The following MAST2 variants were observed in gnomAD, a reference collection of about 807,000 sequenced individuals.
MAST2 encodes the protein microtubule associated serine/threonine kinase 2, also known as microtubule-associated serine/threonine-protein kinase 2.
A neutral mutation model predicts 147.4 loss-of-function variants in MAST2; 70 were observed. That is an observed-to-expected ratio of 0.47 (90% CI 0.39 to 0.58). The LOEUF is 0.58. Ranked by LOEUF, MAST2 falls within the 20% of genes least tolerant of loss-of-function variation. The probability of loss-of-function intolerance (pLI) is 0.00; values close to 1 mark genes in which losing one functional copy is unlikely to be tolerated. For synonymous variants in MAST2, 869 were observed against 896.8 expected (o/e 0.97, Z 0.55); for missense variants, 2,080 against 2,302.3 (o/e 0.90, Z 1.98).
chr1:46,030,495 G>C, intron 21 of MAST2, 112 bp from the exon 22 acceptor site: 1 of 1,276,582 alleles, frequency 7.8e-7, no homozygotes, highest in Non-Finnish European at 1.1e-6. Context: ...TGTGAAGGAG[G>C]GATGGAACCG....
chr1:45,929,481 C>A (rs1654934856), intron 4 of MAST2, among the ~76,000 whole-genome samples: 1 of 152,110 alleles, frequency 6.6e-6, no homozygotes, highest in Non-Finnish European at 1.5e-5. Flanking sequence ...TCTTCTGGCC[C>A]ACGTAGAAAG....
chr1:45,805,793 C>T (rs963307029), intron 1 of MAST2, among the ~76,000 whole-genome samples: 22 of 152,174 alleles, frequency 1.4e-4, no homozygotes, highest in Admixed American at 1.2e-3. Flanking sequence ...ACCCTTGTTA[C>T]TCTCTTTGTT....
intron 7 of MAST2, 26 bp downstream of exon 7, chr1:46,002,909 C>T (rs750210861): frequency 6.2e-7 from 1 of 1,603,206 alleles, no homozygotes; most frequent in South Asian, 1.1e-5. Flanking sequence ...TGTGGCCATA[C>T]TTCCTTCACC....
intron 2 of MAST2, among the ~76,000 whole-genome samples, chr1:45,824,957 G>T (rs1439210941): frequency 6.6e-6 from 1 of 152,148 alleles, no homozygotes; most frequent in Non-Finnish European, 1.5e-5. Flanking sequence ...AAATTCAGGG[G>T]GAAAAAATTA....
intron 3 of MAST2, among the ~76,000 whole-genome samples, chr1:45,844,692 G>T (rs774658504): frequency 6.6e-5 from 10 of 152,056 alleles, no homozygotes; most frequent in Non-Finnish European, 1.3e-4. Context: ...AAACTATCGG[G>T]ATTACAGTTG....
Position 45,939,997 on chromosome 1 carries a change from T to TTTTGTTTTTTTTGTTTTTTTG in MAST2, c.501-19386_501-19385insGTTTTTTTTGTTTTTTTGTTT, listed in dbSNP as rs1426939056. Among the ~76,000 whole-genome samples the TTTTGTTTTTTTTGTTTTTTTG allele has an allele frequency of 4.9e-5, 7 of 144,316 alleles. No individual in the cohort carries two copies. The East Asian group carries it at 1.4e-3, about 30-fold the overall frequency. 94.7% of individuals were successfully genotyped at this position (144,316 alleles called of 152,430 possible). On this transcript the variant is annotated intron_variant, in intron 4 of 28. Coordinates refer to ENST00000361297, the MANE Select transcript of MAST2 (RefSeq NM_015112.3). Reference sequence around the variant, plus strand: ...TATTTAGGGTTTTTTTTTTTTTTTTTTTTTGAGATGGAGTTTCGCTCTTTT... The same window carrying TTTTGTTTTTTTTGTTTTTTTG: ...TATTTAGGGTTTTTTTTTTTTTTTTTTTTGTTTTTTTTGTTTTTTTGTTTTGAGATGGAGTTTCGCTCTTTT...
At chr1:45,949,864 T>A (rs771793347) in intron 4 of MAST2, among the ~76,000 whole-genome samples, 2 of 152,192 alleles carry the variant, frequency 1.3e-5, no homozygotes, top group Non-Finnish European at 2.9e-5. Context: ...GTGGTACATA[T>A]ATACCATGGA....
chr1:45,871,039 T>A (rs373517252), intron 3 of MAST2, among the ~76,000 whole-genome samples: 19 of 151,868 alleles, frequency 1.3e-4, no homozygotes, highest in African/African-American at 4.3e-4. Flanking sequence ...TCAGTTTGCT[T>A]TTGGTATATC....
chr1:45,899,327 T>A (rs972991552), intron 4 of MAST2, among the ~76,000 whole-genome samples: 1 of 148,528 alleles, frequency 6.7e-6, no homozygotes, highest in Non-Finnish European at 1.5e-5. Flanking sequence ...TTTTTTTTTT[T>A]AGATTCAGGG....
chr1:45,994,304 A>C (rs542524089), intron 5 of MAST2, among the ~76,000 whole-genome samples: 1 of 38,544 alleles, frequency 2.6e-5, no homozygotes, highest in South Asian at 8.7e-4. Context: ...TTTTTTGAGA[A>C]GGAGTTTCAC....
At chr1:45,858,231 A>AGT (rs1232921740) in intron 3 of MAST2, among the ~76,000 whole-genome samples, 2 of 152,170 alleles carry the variant, frequency 1.3e-5, no homozygotes, top group Non-Finnish European at 2.9e-5. Context: ...TCCCACCAAC[A>AGT]GTGTAAAAGT....
chr1:45,817,843 T>C (rs1644503122), intron 1 of MAST2, among the ~76,000 whole-genome samples: 1 of 152,214 alleles, frequency 6.6e-6, no homozygotes, highest in Non-Finnish European at 1.5e-5. Context: ...TCATTATAAC[T>C]AGGCTCAAAC....
chr1:46,035,159 C>T lies in MAST2; in HGVS notation c.4490C>T (p.Ala1497Val). 2 of 1,613,916 alleles carry T rather than the reference C, an allele frequency of 1.2e-6. No homozygotes were observed. The highest frequency in any genetic ancestry group is 1.7e-6 in the Non-Finnish European group (2 of 1,180,030). Reference protein sequence around the residue: ...ERRESLQKQEAIREVDSSEDD... With the variant: ...ERRESLQKQEVIREVDSSEDD... Reference sequence around the variant, plus strand: ...CGGGAGTCGCTGCAGAAGCAAGAAGCCATTCGTGAGGTGGACTCCTCAGAG... The same window carrying T: ...CGGGAGTCGCTGCAGAAGCAAGAAGTCATTCGTGAGGTGGACTCCTCAGAG... Residue 1497 changes from alanine (A) to valine (V), a missense_variant, in exon 29 of 29, where the codon GCC becomes GTC. Physicochemically the swap from Ala to Val is moderately conservative, Grantham distance 64. Coordinates refer to ENST00000361297, the MANE Select transcript of MAST2 (RefSeq NM_015112.3). The surrounding 1 kb of genome is among the most constrained non-coding windows in gnomAD (Gnocchi z 5.5).
intron 25 of MAST2, 21 bp downstream of exon 25, chr1:46,032,425 C>G: frequency 6.2e-7 from 1 of 1,611,216 alleles, no homozygotes; most frequent in Non-Finnish European, 8.5e-7. Context: ...CCATCCAGAC[C>G]TGCTGTCTCC....
chr1:45,865,186 C>G (rs563384842), intron 3 of MAST2: 97 of 453,682 alleles, frequency 2.1e-4, no homozygotes, highest in African/African-American at 1.8e-3. Context: ...CTTTTAATGT[C>G]TCTTGTAAAT....
At chr1:46,027,921 G>A (rs941582781) in intron 17 of MAST2, 58 bp downstream of exon 17, 2 of 1,597,532 alleles carry the variant, frequency 1.3e-6, no homozygotes, top group Non-Finnish European at 1.7e-6. Flanking sequence ...TCCTGGCGCA[G>A]TGTCTTACGC....
chr1:45,935,149 T>C (rs938599120), intron 4 of MAST2, among the ~76,000 whole-genome samples: 2 of 152,212 alleles, frequency 1.3e-5, no homozygotes, highest in Non-Finnish European at 2.9e-5. Context: ...TCTCAGATGA[T>C]TAGCGATGTG....
intron 3 of MAST2, chr1:45,847,413 T>G (rs952845582): frequency 2.9e-5 from 16 of 546,560 alleles, no homozygotes; most frequent in Admixed American, 2.1e-4. Context: ...TATCTTTTTT[T>G]GGGGGGGATC....
At chr1:45,840,962 T>C (rs1645255272) in intron 3 of MAST2, among the ~76,000 whole-genome samples, 1 of 152,130 alleles carries the variant, frequency 6.6e-6, no homozygotes, top group Non-Finnish European at 1.5e-5. Context: ...TTAATCTCTA[T>C]TTTTTTGAGA....
Sources: gnomAD v4.1 joint callset for allele counts (sites outside exome capture counted in the v4.1 genomes callset) on GRCh38, gnomAD v4.1.1 for gene constraint, Gnocchi (gnomAD v3.1) non-coding constraint, MANE v1.5 for transcripts, NCBI Gene and HGNC (gene_info 2026-07-23, HGNC 2026-07-21) for gene names.